Variants in MED13L observed in about 807,000 individuals in gnomAD.
The protein encoded by MED13L is mediator complex subunit 13L, also known as mediator of RNA polymerase II transcription subunit 13-like.
Under a neutral mutation model 220.9 loss-of-function variants are expected in MED13L, and 7 were observed. The observed-to-expected ratio is 0.03, with a 90% CI of 0.02 to 0.06. The LOEUF is 0.06. Among genes scored for constraint, MED13L ranks in the 10% least tolerant of loss-of-function variants. MED13L has a pLI of 1.00. For synonymous variants in MED13L, 1,011 were observed against 1,015.2 expected, an observed-to-expected ratio of 1.00 and a Z score of 0.08; for missense variants, 1,965 against 2,760.5, an observed-to-expected ratio of 0.71 and a Z score of 6.46.
chr12:116,001,399 G>A (rs995691452), intron 14 of MED13L, among the ~76,000 whole-genome samples: 3 of 152,184 alleles, frequency 2.0e-5, no homozygotes, highest in African/African-American at 7.2e-5. Flanking sequence ...GTTTCACCAC[G>A]TTGGCCAGGT....
intron 4 of MED13L, among the ~76,000 whole-genome samples, chr12:116,049,322 T>C (rs1882018067): frequency 6.6e-6 from 1 of 152,206 alleles, no homozygotes; most frequent in African/African-American, 2.4e-5. Flanking sequence ...GCCAAAAGGC[T>C]TGAAATTAAA....
chr12:116,149,136 T>A (rs1877824862), intron 2 of MED13L, among the ~76,000 whole-genome samples: 1 of 152,220 alleles, frequency 6.6e-6, no homozygotes, highest in African/African-American at 2.4e-5. Flanking sequence ...CCATCTCTGC[T>A]TATTACTATG....
chr12:116,111,289 G>A (rs1874057036), intron 3 of MED13L, 139 bp downstream of exon 3: 2 of 725,648 alleles, frequency 2.8e-6, no homozygotes, highest in East Asian at 2.7e-5. Context: ...AATAGAAAGA[G>A]AAACTAAAGA....
At chr12:116,261,485 T>A (rs1360292562) in intron 1 of MED13L, among the ~76,000 whole-genome samples, 4 of 131,468 alleles carry the variant, frequency 3.0e-5, no homozygotes, top group Non-Finnish European at 6.3e-5. Flanking sequence ...CAACAGAAAC[T>A]CAGTCTCAAA....
intron 30 of MED13L, among the ~76,000 whole-genome samples, chr12:115,963,023 A>C (rs1288339775): frequency 6.6e-6 from 1 of 152,188 alleles, no homozygotes; most frequent in Non-Finnish European, 1.5e-5. Flanking sequence ...TCCATCTCGA[A>C]TAAACAAACA....
At chr12:116,138,483 C>A (rs1385196443) in intron 2 of MED13L, among the ~76,000 whole-genome samples, 1 of 152,134 alleles carries the variant, frequency 6.6e-6, no homozygotes, top group Non-Finnish European at 1.5e-5. Flanking sequence ...AGGGAAGCAG[C>A]GGCCAAGCTG....
chr12:116,027,338 C>T (rs527805189), intron 4 of MED13L, among the ~76,000 whole-genome samples: 97 of 152,218 alleles, frequency 6.4e-4, no homozygotes, highest in Admixed American at 1.6e-3. Context: ...AGGAGGACAG[C>T]TTGAGCCTTT....
At chr12:116,079,243 G>T (rs1871047974) in intron 4 of MED13L, among the ~76,000 whole-genome samples, 1 of 151,904 alleles carries the variant, frequency 6.6e-6, no homozygotes, top group Non-Finnish European at 1.5e-5. Flanking sequence ...GGGTTTTTTT[G>T]AGATGGTCTC....
intron 4 of MED13L, among the ~76,000 whole-genome samples, chr12:116,037,393 G>T (rs1370077655): frequency 1.3e-5 from 2 of 152,116 alleles, no homozygotes; most frequent in African/African-American, 4.8e-5. Context: ...TATGTACAAG[G>T]TATATATGAA....
chr12:116,007,349 A>G (rs974400713), intron 11 of MED13L, 62 bp downstream of exon 11: 26 of 1,469,554 alleles, frequency 1.8e-5, no homozygotes, highest in Non-Finnish European at 2.4e-5. Context: ...CTTCCCACAC[A>G]TGTTGTACTG....
chr12:116,081,866 C>CA (rs1463588376), intron 4 of MED13L, among the ~76,000 whole-genome samples: 1 of 151,998 alleles, frequency 6.6e-6, no homozygotes, highest in Non-Finnish European at 1.5e-5. Flanking sequence ...GAACCTGTCT[C>CA]AAAAAAATAA....
At chr12:116,263,232 G>A (rs551716613) in intron 1 of MED13L, among the ~76,000 whole-genome samples, 2 of 151,800 alleles carry the variant, frequency 1.3e-5, no homozygotes, top group Admixed American at 6.6e-5. Context: ...ACATCACAAC[G>A]CTTTCTGACA....
chr12:116,075,790 A>G (rs574113180), intron 4 of MED13L, among the ~76,000 whole-genome samples: 1 of 152,314 alleles, frequency 6.6e-6, no homozygotes, highest in Admixed American at 6.5e-5. Flanking sequence ...GAGAAGCTAT[A>G]GTGGCACCAG....
At chr12:116,156,438 A>ATGT (rs1319457011) in intron 2 of MED13L, among the ~76,000 whole-genome samples, 1 of 151,786 alleles carries the variant, frequency 6.6e-6, no homozygotes, top group Non-Finnish European at 1.5e-5. Flanking sequence ...TATAGTCCAA[A>ATGT]ATGAAGTTCA....
intron 30 of MED13L, among the ~76,000 whole-genome samples, chr12:115,962,895 C>A (rs2137188738): frequency 6.6e-6 from 1 of 152,180 alleles, no homozygotes; most frequent in East Asian, 1.9e-4. Context: ...CTGGCGGGTG[C>A]CTGTAGTCCC....
intron 2 of MED13L, among the ~76,000 whole-genome samples, chr12:116,176,254 G>A (rs1249075941): frequency 6.6e-6 from 1 of 152,142 alleles, no homozygotes; most frequent in African/African-American, 2.4e-5. Flanking sequence ...GATAATAGCA[G>A]ACCATCCTTT....
chr12:116,220,639 C>A (rs769576545), intron 2 of MED13L, among the ~76,000 whole-genome samples: 1 of 152,098 alleles, frequency 6.6e-6, no homozygotes, highest in Non-Finnish European at 1.5e-5. Flanking sequence ...GCGGAGGTTG[C>A]AGTGAGCCGA....
chr12:116,159,290 T>C (rs934027904), intron 2 of MED13L, among the ~76,000 whole-genome samples: 1 of 152,214 alleles, frequency 6.6e-6, no homozygotes, highest in African/African-American at 2.4e-5. Flanking sequence ...AGAGTTTATG[T>C]AGACATCACA....
intron 1 of MED13L, among the ~76,000 whole-genome samples, chr12:116,252,009 T>C (rs986454434): frequency 6.6e-6 from 1 of 151,696 alleles, no homozygotes; most frequent in African/African-American, 2.4e-5. Context: ...ATCTAAAATG[T>C]CTAGGCACCT....
Sources: allele counts gnomAD v4.1 joint callset (sites outside exome capture counted in the v4.1 genomes callset), GRCh38; gene constraint gnomAD v4.1.1; transcripts MANE v1.5; gene names NCBI Gene and HGNC (gene_info 2026-07-23, HGNC 2026-07-21).